Variants in LRRC20 observed in about 807,000 individuals in gnomAD.
LRRC20 encodes the protein leucine-rich repeat-containing protein 20.
Under a neutral mutation model 14.4 loss-of-function variants are expected in LRRC20, and 11 were observed. The observed-to-expected ratio is 0.77, with a 90% confidence interval of 0.48 to 1.27. LRRC20 has a LOEUF of 1.27. Among genes scored for constraint, LRRC20 ranks in the 50% most tolerant of loss-of-function variants. The pLI is 0.00. For synonymous variants in LRRC20, 121 were observed against 107.3 expected (o/e 1.13, Z -0.79); for missense variants, 219 against 251.2 (o/e 0.87, Z 0.87).
chr10:70,344,217 TA>T (rs1564631136), intron 2 of LRRC20, among the ~76,000 whole-genome samples: 1 of 149,022 alleles, frequency 6.7e-6, no homozygotes, highest in South Asian at 2.1e-4. Flanking sequence ...GAAAAGAAAA[TA>T]AAAAAAAGAA....
chr10:70,372,685 G>T (rs555217169), intron 2 of LRRC20, among the ~76,000 whole-genome samples: 2 of 151,780 alleles, frequency 1.3e-5, no homozygotes, highest in South Asian at 4.2e-4. Flanking sequence ...CTTGTGATCC[G>T]CCCGCCTCGG....
intron 4 of LRRC20, among the ~76,000 whole-genome samples, chr10:70,317,550 A>C (rs549409315): frequency 1.3e-5 from 2 of 151,900 alleles, no homozygotes; most frequent in Non-Finnish European, 2.9e-5. Flanking sequence ...GTTTTTTTAA[A>C]AATTTTTTGT....
intron 4 of LRRC20, among the ~76,000 whole-genome samples, chr10:70,317,552 A>C (rs7100004): frequency 6.6e-6 from 1 of 151,760 alleles, no homozygotes; most frequent in African/African-American, 2.4e-5. Context: ...TTTTTTAAAA[A>C]TTTTTTGTAG....
intron 2 of LRRC20, among the ~76,000 whole-genome samples, chr10:70,354,553 G>T (rs1282618732): frequency 6.6e-6 from 1 of 152,190 alleles, no homozygotes; most frequent in African/African-American, 2.4e-5. Context: ...TAAGGCCCAG[G>T]CATCTGTGTT....
intron 2 of LRRC20, among the ~76,000 whole-genome samples, chr10:70,354,818 T>G (rs1843462349): frequency 6.6e-6 from 1 of 152,214 alleles, no homozygotes; most frequent in Non-Finnish European, 1.5e-5. Context: ...GCTTTGTTCA[T>G]GCTTCTGGTA....
intron 3 of LRRC20, among the ~76,000 whole-genome samples, chr10:70,326,542 T>C (rs920965663): frequency 6.6e-6 from 1 of 152,166 alleles, no homozygotes; most frequent in African/African-American, 2.4e-5. Context: ...CATTTTTCCA[T>C]CTTCAGGGAC....
chr10:70,340,270 G>A (rs568453517), intron 3 of LRRC20, among the ~76,000 whole-genome samples: 2 of 152,240 alleles, frequency 1.3e-5, no homozygotes, highest in East Asian at 3.9e-4. Context: ...AGGGCCTCAG[G>A]ACCCAAACAC....
At chr10:70,364,327 G>A (rs957179508) in intron 2 of LRRC20, among the ~76,000 whole-genome samples, 34 of 152,236 alleles carry the variant, frequency 2.2e-4, no homozygotes, top group African/African-American at 8.0e-4. Flanking sequence ...GTGTAAGAGT[G>A]TGCTAGAGCG....
chr10:70,324,738 C>T (rs1388613247), intron 3 of LRRC20, among the ~76,000 whole-genome samples: 2 of 152,064 alleles, frequency 1.3e-5, no homozygotes, highest in Admixed American at 6.5e-5. Context: ...GGGCCCTGTG[C>T]AGGGAGGAGA....
chr10:70,319,509 C>T (rs765870700), intron 4 of LRRC20, among the ~76,000 whole-genome samples: 10 of 152,174 alleles, frequency 6.6e-5, no homozygotes, highest in Non-Finnish European at 1.0e-4. Context: ...CACAAGGACA[C>T]GAGGACAGCC....
intron 3 of LRRC20, among the ~76,000 whole-genome samples, chr10:70,339,667 C>T (rs185721734): frequency 8.5e-5 from 13 of 152,222 alleles, no homozygotes; most frequent in Non-Finnish European, 1.6e-4. Flanking sequence ...GGAGAGACTG[C>T]TCTCTGGAGA....
chr10:70,353,262 T>C (rs1016967895), intron 2 of LRRC20, among the ~76,000 whole-genome samples: 1 of 152,216 alleles, frequency 6.6e-6, no homozygotes, highest in African/African-American at 2.4e-5. Flanking sequence ...CAAATTGTTC[T>C]AAGTCATATG....
intron 4 of LRRC20, among the ~76,000 whole-genome samples, chr10:70,316,667 C>T (rs931875463): frequency 9.9e-5 from 15 of 152,238 alleles, no homozygotes; most frequent in Non-Finnish European, 2.2e-4. Context: ...CCTGCACCCT[C>T]GTGTCTGGGG....
intron 4 of LRRC20, among the ~76,000 whole-genome samples, chr10:70,315,925 C>T (rs2136916074): frequency 6.6e-6 from 1 of 152,286 alleles, no homozygotes; most frequent in South Asian, 2.1e-4. Context: ...CATCAGGCAA[C>T]AAACCCATTA....
At chr10:70,325,483 C>A (rs946776409) in intron 3 of LRRC20, among the ~76,000 whole-genome samples, 1 of 152,168 alleles carries the variant, frequency 6.6e-6, no homozygotes, top group East Asian at 1.9e-4. Flanking sequence ...ACGCAGGCAA[C>A]AGCTCTCCCT....
At chr10:70,322,318 C>T (rs1842118376) in intron 4 of LRRC20, among the ~76,000 whole-genome samples, 1 of 152,210 alleles carries the variant, frequency 6.6e-6, no homozygotes. Context: ...TCTGTTCTTG[C>T]TCAGTTACTG....
intron 2 of LRRC20, among the ~76,000 whole-genome samples, chr10:70,348,696 G>A (rs1198487732): frequency 6.6e-6 from 1 of 152,146 alleles, no homozygotes; most frequent in Non-Finnish European, 1.5e-5. Flanking sequence ...CAGAGAAAGG[G>A]AGTATATGCT....
intron 3 of LRRC20, among the ~76,000 whole-genome samples, chr10:70,339,465 C>A (rs7095498): frequency 1.4e-4 from 21 of 151,988 alleles, no homozygotes; most frequent in Admixed American, 9.2e-4. Flanking sequence ...CAGGTGAGAG[C>A]GCAAGGAGGC....
chr10:70,362,167 A>G (rs1447483058), intron 2 of LRRC20, among the ~76,000 whole-genome samples: 1 of 152,370 alleles, frequency 6.6e-6, no homozygotes, highest in East Asian at 1.9e-4. Flanking sequence ...CCTGGGTGAC[A>G]GAGCCAAGAC....
Sources: gnomAD v4.1 joint callset for allele counts (sites outside exome capture counted in the v4.1 genomes callset) on GRCh38, gnomAD v4.1.1 for gene constraint, MANE v1.5 for transcripts, NCBI Gene and HGNC (gene_info 2026-07-23, HGNC 2026-07-21) for gene names.